Variants in PKNOX2 observed in about 807,000 individuals in gnomAD.
PKNOX2 encodes the protein PBX/knotted 1 homeobox 2.
In PKNOX2, 14 loss-of-function variants were observed where a neutral mutation model predicts 53.1. The ratio of observed to expected loss-of-function variants is 0.26; its 90% confidence interval spans 0.17 to 0.41. The LOEUF is 0.41. Among genes scored for constraint, PKNOX2 ranks in the 10% least tolerant of loss-of-function variants. The pLI is 1.00. For synonymous variants in PKNOX2, 257 were observed against 242.8 expected (o/e 1.06, Z -0.54); for missense variants, 496 against 602.8 (o/e 0.82, Z 1.85).
intron 2 of PKNOX2, among the ~76,000 whole-genome samples, chr11:125,248,749 G>A (rs1436395177): frequency 2.0e-5 from 3 of 147,076 alleles, no homozygotes; most frequent in African/African-American, 7.4e-5. Context: ...TTTTATACAA[G>A]CCACACTACT....
intron 5 of PKNOX2, 118 bp downstream of exon 5, chr11:125,368,103 T>C: frequency 7.8e-7 from 1 of 1,277,812 alleles, no homozygotes; most frequent in Non-Finnish European, 1.0e-6. Flanking sequence ...CCAATAGCTA[T>C]TCTCCCTTGG....
intron 5 of PKNOX2, 28 bp from the exon 6 acceptor site, chr11:125,385,523 C>T (rs1040827956): frequency 1.3e-5 from 20 of 1,586,752 alleles, no homozygotes; most frequent in Non-Finnish European, 1.5e-5. Flanking sequence ...TGTGTGTGCG[C>T]ATGTGTGAGC....
intron 2 of PKNOX2, among the ~76,000 whole-genome samples, chr11:125,236,996 A>G (rs533774427): frequency 2.0e-5 from 3 of 152,210 alleles, no homozygotes; most frequent in Non-Finnish European, 4.4e-5. Flanking sequence ...GGAATTCAGA[A>G]AGGGCGTGGT....
intron 7 of PKNOX2, among the ~76,000 whole-genome samples, chr11:125,402,347 A>T (rs1954803027): frequency 1.3e-5 from 2 of 151,828 alleles, no homozygotes; most frequent in African/African-American, 4.8e-5. Context: ...TCTAGACCCT[A>T]CTCTGGGTTC....
intron 4 of PKNOX2, among the ~76,000 whole-genome samples, chr11:125,367,421 C>A (rs1229545550): frequency 6.6e-6 from 1 of 152,184 alleles, no homozygotes; most frequent in Non-Finnish European, 1.5e-5. Context: ...AATAAATAAA[C>A]CTGTGTCCAA....
chr11:125,200,303 G>A (rs958473952), intron 1 of PKNOX2, among the ~76,000 whole-genome samples: 7 of 152,186 alleles, frequency 4.6e-5, no homozygotes. Context: ...GAAAGGACCA[G>A]GCCAGCTTGA....
intron 1 of PKNOX2, among the ~76,000 whole-genome samples, chr11:125,172,728 G>A (rs919614787): frequency 2.6e-5 from 4 of 152,060 alleles, no homozygotes; most frequent in African/African-American, 4.8e-5. Context: ...TTGTGGCTAG[G>A]CAATCATTAA....
At chr11:125,424,624 T>C (rs925365278) in intron 10 of PKNOX2, among the ~76,000 whole-genome samples, 15 of 152,282 alleles carry the variant, frequency 9.9e-5, no homozygotes, top group South Asian at 4.1e-4. Context: ...AGCTCGCTGA[T>C]CTGAATCAGC....
chr11:125,426,905 G>C (rs913940613), intron 10 of PKNOX2, among the ~76,000 whole-genome samples: 3 of 152,248 alleles, frequency 2.0e-5, no homozygotes, highest in African/African-American at 4.8e-5. Context: ...GCCTTGCAGA[G>C]GCTGTGATCT....
intron 10 of PKNOX2, among the ~76,000 whole-genome samples, chr11:125,425,833 A>G (rs4937007): frequency 0.01 from 1,537 of 152,306 alleles, 75 homozygotes; most frequent in Admixed American, 0.078. Flanking sequence ...GGTGCCAGGA[A>G]TGTTCTGGCT....
At chr11:125,353,776 C>G (rs960270184) in intron 4 of PKNOX2, among the ~76,000 whole-genome samples, 1 of 152,234 alleles carries the variant, frequency 6.6e-6, no homozygotes, top group South Asian at 2.1e-4. Flanking sequence ...CCATGGTGAA[C>G]TGACCAGGTC....
chr11:125,387,090 C>T (rs978201880), intron 6 of PKNOX2, among the ~76,000 whole-genome samples: 8 of 152,164 alleles, frequency 5.3e-5, no homozygotes, highest in African/African-American at 1.7e-4. Flanking sequence ...TCTCTCAGGT[C>T]CCATGGGAAA....
chr11:125,427,152 T>C (rs1956471683), intron 10 of PKNOX2, among the ~76,000 whole-genome samples: 1 of 152,230 alleles, frequency 6.6e-6, no homozygotes, highest in African/African-American at 2.4e-5. Context: ...CACTAGGGCT[T>C]GACCCCAGAA....
chr11:125,399,266 G>A (rs757415817), intron 7 of PKNOX2, among the ~76,000 whole-genome samples: 3 of 152,156 alleles, frequency 2.0e-5, no homozygotes, highest in African/African-American at 7.2e-5. Flanking sequence ...AAAAACACCC[G>A]CCCGGGCTTC....
intron 2 of PKNOX2, among the ~76,000 whole-genome samples, chr11:125,302,652 G>C (rs1408093181): frequency 6.6e-6 from 1 of 152,186 alleles, no homozygotes; most frequent in Non-Finnish European, 1.5e-5. Context: ...ATCCCACCCT[G>C]TTGCCAGGAG....
chr11:125,184,062 G>A (rs1956315440), intron 1 of PKNOX2: 2 of 152,260 alleles, frequency 1.3e-5, no homozygotes, highest in South Asian at 4.1e-4. Flanking sequence ...CTACATGAAG[G>A]AGCAGACAGT....
At chr11:125,215,522 C>G (rs1341758522) in intron 1 of PKNOX2, among the ~76,000 whole-genome samples, 1 of 152,038 alleles carries the variant, frequency 6.6e-6, no homozygotes, top group Non-Finnish European at 1.5e-5. Flanking sequence ...GAGGCTGAAG[C>G]AGGCGGATCA....
In PKNOX2 at chr11:125,422,670, C is replaced by T. The variant is rs1247671207; in HGVS notation, c.937-6342C>T. ...GTGTGCAAGAGACCCCTGGGTTGCA[C>T]TGAGCCCCAGGACACCCCAGAGGGC... On this transcript the variant is annotated intron_variant, in intron 10 of 12. Coordinates refer to ENST00000298282, the MANE Select transcript of PKNOX2 (RefSeq NM_001382323.2). This position sits in a 1 kb window ranked among gnomAD's most constrained non-coding sequence, Gnocchi z 4.1. Among the ~76,000 whole-genome samples, 1 of 152,184 alleles carries T rather than the reference C, an allele frequency of 6.6e-6. No homozygotes were observed. The highest frequency in any genetic ancestry group is 6.5e-5 in the Admixed American group (1 of 15,278).
At chr11:125,200,728 C>T (rs1217706058) in intron 1 of PKNOX2, among the ~76,000 whole-genome samples, 1 of 152,228 alleles carries the variant, frequency 6.6e-6, no homozygotes, top group Non-Finnish European at 1.5e-5. Flanking sequence ...AGTTTATTGT[C>T]TGACTTGCCC....
Sources: allele counts gnomAD v4.1 joint callset (sites outside exome capture counted in the v4.1 genomes callset), GRCh38; gene constraint gnomAD v4.1.1; non-coding constraint Gnocchi (gnomAD v3.1); transcripts MANE v1.5; gene names NCBI Gene and HGNC (gene_info 2026-07-23, HGNC 2026-07-21).